The following AHCYL2 variants were observed in gnomAD, a reference collection of about 807,000 sequenced individuals.
AHCYL2 encodes S-adenosylhomocysteine hydrolase-like protein 2.
A neutral mutation model predicts 81.4 loss-of-function variants in AHCYL2; 28 were observed. The observed-to-expected ratio is 0.34, with a 90% CI of 0.25 to 0.47. The LOEUF (loss-of-function observed/expected upper bound fraction) is 0.47. Among genes scored for constraint, AHCYL2 ranks in the 20% least tolerant of loss-of-function variants. AHCYL2 has a pLI of 1.00. For missense variants in AHCYL2, 551 were observed against 785.1 expected (o/e 0.70, Z 3.56); for synonymous variants, 272 against 290.2 (o/e 0.94, Z 0.64).
intron 1 of AHCYL2, among the ~76,000 whole-genome samples, chr7:129,328,834 A>G (rs1298465323): frequency 6.6e-6 from 1 of 152,084 alleles, no homozygotes; most frequent in Non-Finnish European, 1.5e-5. Context: ...TTTTTCTTCT[A>G]TTTTATGACA....
chr7:129,425,220 C>A, intron 15 of AHCYL2, 79 bp downstream of exon 15: 1 of 1,309,630 alleles, frequency 7.6e-7, no homozygotes, highest in Non-Finnish European at 1.1e-6. Context: ...GGGGCATTAA[C>A]TTACTTAAGG....
intron 5 of AHCYL2, among the ~76,000 whole-genome samples, chr7:129,399,444 C>CT (rs1396719428): frequency 2.0e-5 from 3 of 149,202 alleles, no homozygotes; most frequent in Non-Finnish European, 3.0e-5. Flanking sequence ...AAGACTCCGT[C>CT]TCAAAAAAAA....
chr7:129,324,233 T>C (rs1397078469), intron 1 of AHCYL2, among the ~76,000 whole-genome samples: 2 of 152,166 alleles, frequency 1.3e-5, no homozygotes, highest in Admixed American at 6.5e-5. Context: ...CCATTCTTTT[T>C]CTTTCAGAAT....
intron 12 of AHCYL2, among the ~76,000 whole-genome samples, chr7:129,416,791 A>G (rs1390096020): frequency 6.6e-6 from 1 of 151,382 alleles, no homozygotes; most frequent in Non-Finnish European, 1.5e-5. Context: ...CAAGAGCGAA[A>G]TTCCATCTCA....
At chr7:129,374,840 T>C (rs1478270999) in intron 1 of AHCYL2, among the ~76,000 whole-genome samples, 1 of 149,758 alleles carries the variant, frequency 6.7e-6, no homozygotes, top group Non-Finnish European at 1.5e-5. Context: ...CCATTTTATG[T>C]CCTTTCTTGT....
At chr7:129,228,408 C>A (rs754200090) in intron 1 of AHCYL2, among the ~76,000 whole-genome samples, 2 of 152,226 alleles carry the variant, frequency 1.3e-5, no homozygotes, top group Non-Finnish European at 2.9e-5. Context: ...CACATCTTAT[C>A]TTTGGCACCT....
intron 1 of AHCYL2, among the ~76,000 whole-genome samples, chr7:129,352,455 A>G (rs1225002597): frequency 6.6e-6 from 1 of 152,204 alleles, no homozygotes; most frequent in Non-Finnish European, 1.5e-5. Context: ...TGTCCACATA[A>G]ATGTTTCATA....
chr7:129,389,028 C>T (rs1287337723), intron 2 of AHCYL2, 28 bp from the exon 3 acceptor site: 8 of 1,574,712 alleles, frequency 5.1e-6, no homozygotes, highest in Admixed American at 4.0e-5. Flanking sequence ...TTTTTTTTTT[C>T]CGAGTGTTTT....
At chr7:129,240,770 G>A (rs1035667837) in intron 1 of AHCYL2, among the ~76,000 whole-genome samples, 1 of 152,024 alleles carries the variant, frequency 6.6e-6, no homozygotes, top group Non-Finnish European at 1.5e-5. Flanking sequence ...GCCCAGGATT[G>A]GAAGATCCAG....
rs531858241 is a variant in AHCYL2 at position 129,339,490 on chromosome 7, A to G, written c.364-40148A>G. ...TTTTTCAGTAGTTATGTATCCATCT[A>G]TGTTTCCATGCCTTTAATGCAGCCA... is the stretch of plus-strand genomic sequence containing the variant. On this transcript the variant is annotated intron_variant, in intron 1 of 16. Coordinates refer to ENST00000325006, the MANE Select transcript of AHCYL2 (RefSeq NM_015328.4). Among the ~76,000 whole-genome samples the G allele has an allele frequency of 6.6e-5, 10 of 152,262 alleles. No homozygotes were observed. In the South Asian group the frequency reaches 2.1e-3, roughly 32 times the overall value.
chr7:129,237,468 G>A (rs1278029719), intron 1 of AHCYL2, among the ~76,000 whole-genome samples: 4 of 152,080 alleles, frequency 2.6e-5, no homozygotes, highest in Admixed American at 1.3e-4. Flanking sequence ...ATTTATTAAC[G>A]CAAATATGAC....
At chr7:129,305,615 G>C (rs552335112) in intron 1 of AHCYL2, among the ~76,000 whole-genome samples, 2 of 152,212 alleles carry the variant, frequency 1.3e-5, no homozygotes, top group South Asian at 4.1e-4. Context: ...TCTGAAATAT[G>C]AGTTTACATA....
chr7:129,275,638 A>G (rs568425069), intron 1 of AHCYL2, among the ~76,000 whole-genome samples: 1 of 152,332 alleles, frequency 6.6e-6, no homozygotes, highest in East Asian at 1.9e-4. Context: ...AAAAAATTGT[A>G]AAGGAAGAAT....
At chr7:129,252,282 C>G (rs1381248774) in intron 1 of AHCYL2, among the ~76,000 whole-genome samples, 1 of 152,210 alleles carries the variant, frequency 6.6e-6, no homozygotes, top group Non-Finnish European at 1.5e-5. Context: ...ATCCCAAGGG[C>G]TTTCAGGCTC....
intron 1 of AHCYL2, among the ~76,000 whole-genome samples, chr7:129,369,663 C>T (rs762684160): frequency 5.3e-5 from 8 of 151,620 alleles, no homozygotes; most frequent in African/African-American, 9.7e-5. Context: ...AGTGATTCTC[C>T]TGTCTCAGCC....
intron 1 of AHCYL2, among the ~76,000 whole-genome samples, chr7:129,292,220 T>C (rs1370628717): frequency 6.6e-6 from 1 of 152,220 alleles, no homozygotes; most frequent in Non-Finnish European, 1.5e-5. Flanking sequence ...AACAGGTTCA[T>C]AACATTCTCA....
At chr7:129,422,810 C>G in intron 12 of AHCYL2, 30 bp from the exon 13 acceptor site, 2 of 1,600,462 alleles carry the variant, frequency 1.2e-6, no homozygotes, top group Non-Finnish European at 1.7e-6. Context: ...CTTGCTATGG[C>G]TAATGCTGTA....
At chr7:129,387,388 C>G (rs894720717) in intron 2 of AHCYL2, among the ~76,000 whole-genome samples, 74 of 152,270 alleles carry the variant, frequency 4.9e-4, no homozygotes, top group African/African-American at 1.7e-3. Context: ...CGGATCAGCT[C>G]CACTTTATAC....
chr7:129,367,617 C>A (rs1236738741), intron 1 of AHCYL2, among the ~76,000 whole-genome samples: 1 of 152,184 alleles, frequency 6.6e-6, no homozygotes, highest in Non-Finnish European at 1.5e-5. Flanking sequence ...TGAGGCAGCA[C>A]TAGTCTTGGT....
Sources: allele counts gnomAD v4.1 joint callset (sites outside exome capture counted in the v4.1 genomes callset), GRCh38; gene constraint gnomAD v4.1.1; transcripts MANE v1.5; gene names NCBI Gene and HGNC (gene_info 2026-07-23, HGNC 2026-07-21).